Variants in INTS1 observed in about 807,000 individuals in gnomAD.
INTS1 encodes the protein integrator complex subunit 1.
INTS1 carries 137 observed loss-of-function variants against 241.6 expected under a neutral mutation model. The ratio of observed to expected loss-of-function variants is 0.57; its 90% CI spans 0.49 to 0.65. The LOEUF (loss-of-function observed/expected upper bound fraction) is 0.65, where lower values mean the gene tolerates loss of function less well. Ranked by LOEUF, INTS1 falls within the 30% of genes least tolerant of loss-of-function variation. The pLI is 0.00. For missense variants in INTS1, 3,073 were observed against 3,032.2 expected, an observed-to-expected ratio of 1.01 and a Z score of -0.32; for synonymous variants, 1,692 against 1,337.8, an observed-to-expected ratio of 1.26 and a Z score of -5.78.
intron 27 of INTS1, among the ~76,000 whole-genome samples, chr7:1,482,101 T>C (rs947219060): frequency 6.6e-6 from 1 of 152,126 alleles, no homozygotes; most frequent in Non-Finnish European, 1.5e-5. Flanking sequence ...CTGCCCCCAG[T>C]GTCTCCTCAC....
intron 17 of INTS1, 46 bp from the exon 18 acceptor site, chr7:1,489,450 C>T: frequency 8.2e-6 from 13 of 1,582,972 alleles, no homozygotes; most frequent in Non-Finnish European, 1.1e-5. Context: ...CCCTGGGCAC[C>T]AGGCGTGTGA....
At chr7:1,492,748 C>T (rs58379927) in intron 16 of INTS1, among the ~76,000 whole-genome samples, 10,542 of 152,210 alleles carry the variant, frequency 0.069, 960 homozygotes, top group African/African-American at 0.21. Context: ...GGACTCGGGC[C>T]GAGCCAGTCA....
chr7:1,504,063 C>T (rs1783341807), intron 1 of INTS1, 62 bp from the exon 2 acceptor site: 1 of 891,326 alleles, frequency 1.1e-6, no homozygotes, highest in Non-Finnish European at 1.7e-6. Flanking sequence ...CGCTCATTCG[C>T]TCCCTTGCCG....
chr7:1,494,747 C>A (rs1163097792), intron 14 of INTS1, 69 bp downstream of exon 14: 3 of 1,487,584 alleles, frequency 2.0e-6, no homozygotes, highest in South Asian at 2.4e-5. Context: ...CTTCCTGCCG[C>A]AGCCGGCCCG....
intron 16 of INTS1, among the ~76,000 whole-genome samples, chr7:1,490,306 T>C (rs747318758): frequency 3.3e-5 from 5 of 152,026 alleles, no homozygotes; most frequent in African/African-American, 1.2e-4. Context: ...CAGCTCTGCA[T>C]AAAGGGACGC....
intron 16 of INTS1, among the ~76,000 whole-genome samples, chr7:1,490,990 C>A (rs1273482560): frequency 6.6e-6 from 1 of 152,208 alleles, no homozygotes; most frequent in African/African-American, 2.4e-5. Context: ...CGGCCCAAGG[C>A]GCAGGAATGG....
In INTS1 at chr7:1,484,111, G is replaced by C; in HGVS notation, c.3321C>G (p.Leu1107=). The C allele has an allele frequency of 3.1e-6, 5 of 1,612,530 alleles. No individual in the cohort carries two copies. The highest frequency in any genetic ancestry group is 1.3e-5 in the African/African-American group (1 of 75,054). Residue 1107 remains leucine (L), a synonymous_variant, in exon 25 of 48, where the codon CTC becomes CTG. Transcript: ENST00000404767. The part of the protein sequence containing the change: ...STIMSHLFSK[L]SPSAASDAVL... ...CGGCGTCCGACGCGGCACTCGGGGA[G>C]AGCTTCGAGAAGAGGTGGGACATGA...
At position 1,479,032 on chromosome 7, in the gene INTS1, T is replaced by C. The variant is rs980019242; in HGVS notation, c.4330-147A>G. ...GGCCAACCTCATCCCGCCTCCTGTC[T>C]GAAACGGTGCCTCCCCTGCACGGGC... On this transcript the variant is annotated intron_variant, in intron 31 of 47. Transcript: ENST00000404767. 5.4e-5 allele frequency: 50 copies of C among 920,220 alleles called. No homozygotes were observed. The South Asian group carries it at 6.3e-4, about 12-fold the overall frequency. 57.0% of individuals were successfully genotyped at this position (920,220 alleles called of 1,614,324 possible).
Position 1,484,155 on chromosome 7 carries a change from C to A in INTS1, c.3277G>T (p.Val1093Phe). The A allele has an allele frequency of 6.2e-7, 1 of 1,610,600 alleles. No individual in the cohort carries two copies. The highest frequency in any genetic ancestry group is 1.7e-5 in the Admixed American group (1 of 59,974). The change falls in exon 25 of 48, where the codon GTC (valine) becomes TTC (phenylalanine). Residue 1093 changes from valine to phenylalanine, a missense_variant. Physicochemically the swap from Val to Phe is conservative, Grantham distance 50. Coordinates refer to ENST00000404767, the MANE Select transcript of INTS1 (RefSeq NM_001080453.3). ...GACATGATGGTGGAGCGCTCCACGACCAGCCGGGCCACGTCCTGGTGTGTG... is the reference window on the plus strand; with the variant it reads ...GACATGATGGTGGAGCGCTCCACGAACAGCCGGGCCACGTCCTGGTGTGTG... ...SDLALDVARL[V>F]VERSTIMSHL...
chr7:1,494,465 C>T (rs1202983288), intron 14 of INTS1: 2 of 379,522 alleles, frequency 5.3e-6, no homozygotes, highest in Non-Finnish European at 1.0e-5. Flanking sequence ...GGACAGTGTG[C>T]GGCTGTCTGG....
In INTS1 at chr7:1,481,527, G is replaced by A. The variant is rs562848798; in HGVS notation, c.3704-39C>T. 1.8e-5 allele frequency: 29 copies of A among 1,570,702 alleles called. 1 individual carries two copies. The highest frequency in any genetic ancestry group is 1.0e-4 in the South Asian group (9 of 86,428). On this transcript the variant is annotated intron_variant, in intron 27 of 47. Coordinates refer to ENST00000404767, the MANE Select transcript of INTS1 (RefSeq NM_001080453.3). The surrounding 1 kb of genome is among the most constrained non-coding windows in gnomAD (Gnocchi z 6.8). ...CGCTCCGTAACGCCACCCAAAACCC[G>A]GGCAATGCGCACTCGGGACCCCACC...
rs763958374 is a variant in INTS1, at chr7:1,478,690, C to G, written c.4489+36G>C. 1.1e-5 allele frequency: 17 copies of G among 1,516,892 alleles called. No homozygotes were observed. In the East Asian group the frequency reaches 2.5e-4, roughly 22 times the overall value. The allele number at this position is 1,516,892 out of a possible 1,614,324, so 94.0% of individuals were successfully genotyped here. The stretch of plus-strand genomic sequence containing the variant: ...ACTCTGAGTGAGCCCCTGTCCAGTG[C>G]CCCCCAGCCGTCTGCCAGCCCGGCG... On this transcript the variant is annotated intron_variant, in intron 32 of 47. Coordinates refer to ENST00000404767, the MANE Select transcript of INTS1 (RefSeq NM_001080453.3).
intron 32 of INTS1, 82 bp downstream of exon 32, chr7:1,478,644 G>A (rs1026498375): frequency 1.1e-4 from 159 of 1,488,310 alleles, no homozygotes; most frequent in Non-Finnish European, 1.3e-4. Context: ...CCCAGGCCTC[G>A]GGGTGCCAGG....
Position 1,474,761 on chromosome 7 carries a change from C to T in INTS1, c.5580G>A (p.Ala1860=), listed in dbSNP as rs376092004. 138 of 1,569,432 alleles carry T rather than the reference C, an allele frequency of 8.8e-5. No homozygotes were observed. The highest frequency in any genetic ancestry group is 1.2e-4 in the African/African-American group (9 of 74,016). Residue 1860 remains alanine (A), a synonymous_variant, in exon 40 of 48, where the codon GCG becomes GCA. Coordinates refer to ENST00000404767, the MANE Select transcript of INTS1 (RefSeq NM_001080453.3). The part of the protein sequence containing the change: ...SDSRALENRG[A]DASMACRKLA... ...GCTTCCGGCAGGCCATGCTGGCATC[C>T]GCCCCTCGGTTCTCCAACGCCCGGG...
intron 18 of INTS1, among the ~76,000 whole-genome samples, chr7:1,488,750 G>A (rs1782401174): frequency 6.6e-6 from 1 of 152,206 alleles, no homozygotes; most frequent in Non-Finnish European, 1.5e-5. Context: ...GGTGAGATAG[G>A]ATGCTGGCCC....
At position 1,474,252 on chromosome 7, in the gene INTS1, C is replaced by A; in HGVS notation, c.5745G>T (p.Leu1915=). ...GGAACACGTGCGGCTGCAGCAGCTCCAGCAGGCCCAGCACGTGCAGGAAGC... is the reference window on the plus strand; with the variant it reads ...GGAACACGTGCGGCTGCAGCAGCTCAAGCAGGCCCAGCACGTGCAGGAAGC... ...LSCFLHVLGL[L]ELLQPHVFRS... is the part of the protein sequence containing the mutation. The change falls in exon 41 of 48, where the codon CTG becomes CTT. Residue 1915 remains leucine, a synonymous_variant. Coordinates refer to ENST00000404767, the MANE Select transcript of INTS1 (RefSeq NM_001080453.3). 1.2e-6 allele frequency: 2 copies of A among 1,605,874 alleles called. No individual in the cohort carries two copies. Among genetic ancestry groups the A allele is most frequent in the Non-Finnish European group, 1.7e-6 (2 of 1,177,766 alleles).
chr7:1,485,519 G>C (rs376633455), intron 22 of INTS1, 50 bp from the exon 23 acceptor site: 156 of 1,576,206 alleles, frequency 9.9e-5, no homozygotes, highest in Non-Finnish European at 1.3e-4. Flanking sequence ...TGCAGGCAGG[G>C]TCTCACCCTG....
At position 1,500,272 on chromosome 7, in the gene INTS1, C is replaced by G. The variant is rs763144357; in HGVS notation, c.444G>C (p.Gln148His). The G allele has an allele frequency of 5.0e-6, 8 of 1,601,530 alleles. No individual in the cohort carries two copies. In the South Asian group the frequency reaches 9.0e-5, roughly 18 times the overall value. Residue 148 changes from glutamine to histidine, a missense_variant, in exon 4 of 48, where the codon CAG becomes CAC. Gln to His is a conservative substitution (Grantham distance 24). Coordinates refer to ENST00000404767, the MANE Select transcript of INTS1 (RefSeq NM_001080453.3). ...IEGVLCGAVK[Q>H]LKVTRAKPDS... ...CAGGCTTGGCGCGGGTGACCTTCAG[C>G]TGCTTCACGGCCCCGCACAGCACGC...
At chr7:1,498,924 G>A (rs1783000181) in intron 8 of INTS1, 51 bp downstream of exon 8, 1 of 1,525,792 alleles carries the variant, frequency 6.6e-7, no homozygotes, top group Non-Finnish European at 8.8e-7. Flanking sequence ...GGGCCACACA[G>A]AGCCTGCCCC....
Sources: gnomAD v4.1 joint callset for allele counts (sites outside exome capture counted in the v4.1 genomes callset) on GRCh38, gnomAD v4.1.1 for gene constraint, Gnocchi (gnomAD v3.1) non-coding constraint, MANE v1.5 for transcripts, NCBI Gene and HGNC (gene_info 2026-07-23, HGNC 2026-07-21) for gene names.